Variants in PROS1 observed in about 807,000 individuals in gnomAD.
PROS1 encodes protein S.
A neutral mutation model predicts 75.9 loss-of-function variants in PROS1; 29 were observed. That is an observed-to-expected ratio of 0.38 (90% CI 0.28 to 0.52). The LOEUF (loss-of-function observed/expected upper bound fraction) is 0.52. Among genes scored for constraint, PROS1 ranks in the 20% least tolerant of loss-of-function variants. The pLI, the probability that PROS1 is intolerant of heterozygous loss-of-function variation, is 0.83. For synonymous variants in PROS1, 245 were observed against 280.6 expected, an observed-to-expected ratio of 0.87 and a Z score of 1.27; for missense variants, 680 against 810.3, an observed-to-expected ratio of 0.84 and a Z score of 1.95.
chr3:93,883,620 G>T (rs540923867), intron 12 of PROS1, among the ~76,000 whole-genome samples: 1 of 150,602 alleles, frequency 6.6e-6, no homozygotes, highest in East Asian at 2.0e-4. Flanking sequence ...AGAAAGAAAA[G>T]AAAAAGAAAA....
At position 93,946,425 on chromosome 3, in the gene PROS1, C is replaced by T. The variant is rs567324374; in HGVS notation, c.77-19018G>A. On this transcript the variant is annotated intron_variant, in intron 1 of 14. Transcript: ENST00000394236. ...AAACTATATTAAAAGGCTACAGTAA[C>T]CAAAACAGCATGGTACTGGTACCAA... Among the ~76,000 whole-genome samples the T allele has an allele frequency of 2.4e-3, 359 of 152,240 alleles. 1 individual carries two copies. The highest frequency in any genetic ancestry group is 3.4e-3 in the Middle Eastern group (1 of 294).
At chr3:93,941,702 C>A (rs374273646) in intron 1 of PROS1, among the ~76,000 whole-genome samples, 25 of 152,188 alleles carry the variant, frequency 1.6e-4, no homozygotes, top group African/African-American at 6.0e-4. Flanking sequence ...AGGACCAGGA[C>A]CACACCTTGT....
intron 1 of PROS1, among the ~76,000 whole-genome samples, chr3:93,953,673 G>A (rs748364265): frequency 2.3e-4 from 24 of 102,692 alleles, no homozygotes; most frequent in Middle Eastern, 4.1e-3. Flanking sequence ...GCACAAGACC[G>A]GGATGCCCTC....
At chr3:93,920,782 C>G (rs1207724046) in intron 3 of PROS1, among the ~76,000 whole-genome samples, 3 of 151,868 alleles carry the variant, frequency 2.0e-5, no homozygotes, top group African/African-American at 7.3e-5. Flanking sequence ...TCTTTTCTCT[C>G]TCTTTCTCTT....
intron 3 of PROS1, among the ~76,000 whole-genome samples, chr3:93,917,018 T>C (rs1708863220): frequency 6.6e-6 from 1 of 152,210 alleles, no homozygotes; most frequent in Non-Finnish European, 1.5e-5. Context: ...AACTACTTTA[T>C]ACCCCTCTGT....
At position 93,915,401 on chromosome 3, in the gene PROS1, G is replaced by A. The variant is rs553272510; in HGVS notation, c.260-4696C>T. ...GAACTGCTTGAACCTGGGAGGCAGA[G>A]GCTGCAGTGAGCCAAGATCACACCA... On this transcript the variant is annotated intron_variant, in intron 3 of 14. Coordinates refer to ENST00000394236, the MANE Select transcript of PROS1 (RefSeq NM_000313.4). 4.9e-4 allele frequency among the ~76,000 whole-genome samples: 75 copies of A among 152,290 alleles called. 1 individual carries two copies. Among genetic ancestry groups the A allele is most frequent in the South Asian group, 4.8e-3 (23 of 4,830 alleles).
In PROS1 at chr3:93,927,250, C is replaced by A. The variant is rs145399944; in HGVS notation, c.234G>T (p.Thr78=). ...AREVFENDPE[T]DYFYPKYLVC... ...CTTGATAGTTTCCATAAATGCTTAC[C>A]GTTTCCGGGTCATTTTCAAAGACCT... is the stretch of plus-strand genomic sequence containing the variant. Residue 78 remains threonine (T), a splice_region_variant and synonymous_variant, in exon 2 of 15, where the codon ACG becomes ACT. Coordinates refer to ENST00000394236, the MANE Select transcript of PROS1 (RefSeq NM_000313.4). 6.2e-7 allele frequency: 1 copy of A among 1,612,058 alleles called. No homozygotes were observed. Among genetic ancestry groups the A allele is most frequent in the Non-Finnish European group, 8.5e-7 (1 of 1,179,998 alleles).
At chr3:93,953,962 T>C (rs1465255742) in intron 1 of PROS1, among the ~76,000 whole-genome samples, 6 of 152,086 alleles carry the variant, frequency 3.9e-5, no homozygotes, top group African/African-American at 1.2e-4. Context: ...ATGAGTGAAC[T>C]CCCATTCACA....
intron 3 of PROS1, among the ~76,000 whole-genome samples, chr3:93,913,607 G>T (rs566320917): frequency 5.9e-5 from 9 of 152,076 alleles, no homozygotes; most frequent in Non-Finnish European, 1.3e-4. Flanking sequence ...TTTGCCTTCC[G>T]CCATGATTCT....
At chr3:93,875,943 C>T (rs1281033570) in intron 14 of PROS1, among the ~76,000 whole-genome samples, 1 of 152,118 alleles carries the variant, frequency 6.6e-6, no homozygotes, top group African/African-American at 2.4e-5. Context: ...TTCATATTTT[C>T]CAATATTCAG....
At chr3:93,939,856 C>T (rs1412196263) in intron 1 of PROS1, among the ~76,000 whole-genome samples, 13 of 152,068 alleles carry the variant, frequency 8.5e-5, no homozygotes, top group Non-Finnish European at 1.3e-4. Context: ...AATTAGATTC[C>T]GGCCCTCAAA....
chr3:93,879,586 TTGCTCTTTAACAG>T (rs554823173), intron 12 of PROS1, among the ~76,000 whole-genome samples: 1,864 of 152,290 alleles, frequency 0.012, 46 homozygotes, highest in African/African-American at 0.042. Context: ...TTTTCCCAGT[TTGCTCTTTAACAG>T]TGCTTCCTTC....
chr3:93,934,425 T>C (rs996964914), intron 1 of PROS1, among the ~76,000 whole-genome samples: 1 of 152,208 alleles, frequency 6.6e-6, no homozygotes, highest in Non-Finnish European at 1.5e-5. Context: ...TCACCAACTA[T>C]TATCCTTGCT....
At chr3:93,927,743 C>T (rs1353626190) in intron 1 of PROS1, among the ~76,000 whole-genome samples, 2 of 150,656 alleles carry the variant, frequency 1.3e-5, no homozygotes, top group Non-Finnish European at 3.0e-5. Flanking sequence ...GGCTCACCTT[C>T]GTAATCCCAG....
At chr3:93,952,071 G>A (rs1709508188) in intron 1 of PROS1, among the ~76,000 whole-genome samples, 1 of 152,150 alleles carries the variant, frequency 6.6e-6, no homozygotes, top group Admixed American at 6.5e-5. Flanking sequence ...GGAGCACCCA[G>A]ATTCACAAAG....
chr3:93,928,253 T>G (rs1386651619), intron 1 of PROS1, among the ~76,000 whole-genome samples: 1 of 149,678 alleles, frequency 6.7e-6, no homozygotes, highest in African/African-American at 2.5e-5. Flanking sequence ...GCCACTTGAG[T>G]GCAGGAATTC....
chr3:93,892,875 A>G, intron 10 of PROS1, 58 bp downstream of exon 10: 2 of 1,542,372 alleles, frequency 1.3e-6, no homozygotes, highest in Non-Finnish European at 1.8e-6. Flanking sequence ...AAAATAAATT[A>G]TGATTTTATA....
intron 10 of PROS1, among the ~76,000 whole-genome samples, chr3:93,889,171 A>G (rs552423488): frequency 1.8e-4 from 28 of 152,304 alleles, no homozygotes; most frequent in African/African-American, 6.7e-4. Context: ...TTCTATATGC[A>G]TACTAACCAC....
At chr3:93,922,331 T>C (rs1226001939) in intron 3 of PROS1, among the ~76,000 whole-genome samples, 5 of 152,194 alleles carry the variant, frequency 3.3e-5, no homozygotes, top group African/African-American at 1.2e-4. Flanking sequence ...AGTTCACCAT[T>C]CTTCCCAGGA....
Sources: gnomAD v4.1 joint callset for allele counts (sites outside exome capture counted in the v4.1 genomes callset) on GRCh38, gnomAD v4.1.1 for gene constraint, MANE v1.5 for transcripts, NCBI Gene and HGNC (gene_info 2026-07-23, HGNC 2026-07-21) for gene names.